The following CAPS2 variants were observed in gnomAD, a reference collection of about 807,000 sequenced individuals.
The protein encoded by CAPS2 is calcyphosine 2, also known as calcyphosin-2.
Under a neutral mutation model 86.5 loss-of-function variants are expected in CAPS2, and 98 were observed. The ratio of observed to expected loss-of-function variants is 1.13; its 90% CI spans 0.96 to 1.34. CAPS2 has a LOEUF of 1.34. Ranked by LOEUF, CAPS2 falls within the 40% of genes most tolerant of loss-of-function variation. The pLI, the probability that CAPS2 is intolerant of heterozygous loss-of-function variation, is 0.00. For missense variants in CAPS2, 729 were observed against 686.8 expected, an observed-to-expected ratio of 1.06 and a Z score of -0.69; for synonymous variants, 210 against 225.1, an observed-to-expected ratio of 0.93 and a Z score of 0.60.
intron 1 of CAPS2, among the ~76,000 whole-genome samples, chr12:75,351,557 T>A (rs1319560922): frequency 1.3e-5 from 2 of 151,734 alleles, no homozygotes; most frequent in Non-Finnish European, 2.9e-5. Context: ...TTTGTTTTTT[T>A]TTTTTTTGAG....
chr12:75,341,564 A>G lies in CAPS2; in HGVS notation c.-394-18342T>C, dbSNP rs569332940. Among the ~76,000 whole-genome samples the G allele has an allele frequency of 1.5e-3, 228 of 148,418 alleles. 1 individual carries two copies. The highest frequency in any genetic ancestry group is 5.4e-3 in the African/African-American group (216 of 40,026). On this transcript the variant is annotated intron_variant, in intron 1 of 5. Coordinates refer to the CAPS2 transcript ENST00000551829. Reference sequence around the variant, plus strand: ...CGGGTTCACGCCATTCTCCTGCCTCAGCCTCCGGAGTAACTGAGACTACAG... The same window carrying G: ...CGGGTTCACGCCATTCTCCTGCCTCGGCCTCCGGAGTAACTGAGACTACAG...
At chr12:75,300,732 G>T (rs1037129263) in intron 8 of CAPS2, among the ~76,000 whole-genome samples, 5 of 151,954 alleles carry the variant, frequency 3.3e-5, no homozygotes, top group Non-Finnish European at 7.4e-5. Flanking sequence ...GTGATGCTAG[G>T]AGCCACTATA....
At chr12:75,376,886 G>A (rs1157631695) in intron 1 of CAPS2, among the ~76,000 whole-genome samples, 2 of 152,116 alleles carry the variant, frequency 1.3e-5, no homozygotes, top group East Asian at 3.9e-4. Flanking sequence ...AATCTTAGAC[G>A]ATCTGAGGCT....
chr12:75,337,327 T>A (rs1259406581), intron 1 of CAPS2, among the ~76,000 whole-genome samples: 1 of 151,540 alleles, frequency 6.6e-6, no homozygotes, highest in East Asian at 1.9e-4. Flanking sequence ...AAACTATATA[T>A]TAATAAAATT....
At chr12:75,295,712 A>G (rs1305929990) in intron 11 of CAPS2, among the ~76,000 whole-genome samples, 1 of 152,218 alleles carries the variant, frequency 6.6e-6, no homozygotes, top group African/African-American at 2.4e-5. Context: ...ATCATGTCAG[A>G]GAAAATAATG....
At chr12:75,322,937 T>C (rs1254890578) in intron 4 of CAPS2, 4 of 1,164,892 alleles carry the variant, frequency 3.4e-6, no homozygotes, top group Non-Finnish European at 5.0e-6. Context: ...TATTTTAGAA[T>C]AAAATTCTGA....
intron 1 of CAPS2, among the ~76,000 whole-genome samples, chr12:75,358,624 C>T (rs1006624032): frequency 1.3e-5 from 2 of 150,038 alleles, no homozygotes; most frequent in Admixed American, 6.7e-5. Flanking sequence ...TTGTATGTAA[C>T]ATACCAGACA....
At chr12:75,277,036 A>G (rs1389804792), downstream of CAPS2, 1 of 984,672 alleles carries the variant, frequency 1.0e-6, no homozygotes, top group East Asian at 1.1e-4. Flanking sequence ...AGGCAAATCC[A>G]AAAGCAGAAT....
chr12:75,293,114 C>T (rs905171833), intron 12 of CAPS2, 135 bp downstream of exon 12: 122 of 605,326 alleles, frequency 2.0e-4, no homozygotes, highest in Admixed American at 8.8e-4. Flanking sequence ...AAAAGACATA[C>T]GTAGCTATGC....
chr12:75,330,331 G>A (rs568452198), upstream of CAPS2, among the ~76,000 whole-genome samples: 14 of 152,322 alleles, frequency 9.2e-5, no homozygotes, highest in South Asian at 2.9e-3. Context: ...CGGCTCCGCG[G>A]CGCCCCTAAA....
exon 12 of CAPS2, chr12:75,293,353 T>C: frequency 6.2e-7 from 1 of 1,610,574 alleles, no homozygotes; most frequent in South Asian, 1.1e-5. Flanking sequence ...AACTCAAAAA[T>C]GTCAAGGTTG....
chr12:75,321,482 T>G (rs1240849516), exon 5 of CAPS2: 7 of 1,545,182 alleles, frequency 4.5e-6, no homozygotes, highest in Non-Finnish European at 6.1e-6. Flanking sequence ...ACTATACTGC[T>G]TATAGCCCTC....
At position 75,293,980 on chromosome 12, in the gene CAPS2, C is replaced by T. The variant is rs577990137; in HGVS notation, c.1045-613G>A. 1.0e-3 allele frequency among the ~76,000 whole-genome samples: 158 copies of T among 152,120 alleles called. 1 individual carries two copies. Among genetic ancestry groups the T allele is most frequent in the Non-Finnish European group, 1.6e-3 (106 of 67,988 alleles). ...TGGAGTCTCGCACTGTCGCCCAGGC[C>T]GCAGTGCAGTGTCACGATCTCTGCT... is the stretch of plus-strand genomic sequence containing the variant. On this transcript the variant is annotated intron_variant, in intron 11 of 16. Transcript: ENST00000393284.
At chr12:75,316,817 G>A (rs2039819144) in intron 5 of CAPS2, among the ~76,000 whole-genome samples, 2 of 151,782 alleles carry the variant, frequency 1.3e-5, no homozygotes, top group South Asian at 2.1e-4. Flanking sequence ...AATAAATGTG[G>A]GCATGTCTAC....
At chr12:75,309,976 T>C (rs534027230) in intron 7 of CAPS2, among the ~76,000 whole-genome samples, 2 of 152,302 alleles carry the variant, frequency 1.3e-5, no homozygotes, top group South Asian at 4.1e-4. Context: ...AACAGCAAAT[T>C]AGTCACATAG....
exon 12 of CAPS2, chr12:75,293,336 T>C: frequency 6.2e-7 from 1 of 1,611,824 alleles, no homozygotes; most frequent in Non-Finnish European, 8.5e-7. Flanking sequence ...AAGGCTGAGA[T>C]GATCAGAACT....
chr12:75,292,617 C>A (rs1197419045), intron 12 of CAPS2, among the ~76,000 whole-genome samples: 2 of 144,632 alleles, frequency 1.4e-5, no homozygotes. Flanking sequence ...ATATATGTAT[C>A]TATACATATT....
intron 6 of CAPS2, 155 bp downstream of exon 6, chr12:75,316,157 C>A (rs2039736033): frequency 2.1e-6 from 2 of 949,894 alleles, no homozygotes; most frequent in Middle Eastern, 3.4e-4. Context: ...ACAATTCAAT[C>A]ATTTATAAAA....
chr12:75,368,593 C>T (rs2044150124), intron 1 of CAPS2, among the ~76,000 whole-genome samples: 1 of 149,438 alleles, frequency 6.7e-6, no homozygotes, highest in Non-Finnish European at 1.5e-5. Context: ...TCCTTGTTAA[C>T]TTTTTTTATT....
Sources: gnomAD v4.1 joint callset for allele counts (sites outside exome capture counted in the v4.1 genomes callset) on GRCh38, gnomAD v4.1.1 for gene constraint, MANE v1.5 for transcripts, NCBI Gene and HGNC (gene_info 2026-07-23, HGNC 2026-07-21) for gene names.